The following BFSP2 variants were observed in gnomAD, a reference collection of about 807,000 sequenced individuals.
BFSP2 encodes phakinin.
Under a neutral mutation model 44.9 loss-of-function variants are expected in BFSP2, and 38 were observed. That is an observed-to-expected ratio of 0.85 (90% CI 0.65 to 1.11). The LOEUF is 1.11. BFSP2 is among the 50% of genes least tolerant of loss of function. The pLI is 0.00. For synonymous variants in BFSP2, 197 were observed against 209.9 expected (o/e 0.94, Z 0.53); for missense variants, 525 against 533.0 (o/e 0.99, Z 0.15).
chr3:133,420,678 C>T (rs913695545), intron 1 of BFSP2, among the ~76,000 whole-genome samples: 7 of 152,210 alleles, frequency 4.6e-5, no homozygotes, highest in African/African-American at 1.7e-4. Flanking sequence ...GGGAGGACCA[C>T]GGAGTCAGAA....
chr3:133,416,274 C>A (rs1168259358), intron 1 of BFSP2, among the ~76,000 whole-genome samples: 1 of 144,576 alleles, frequency 6.9e-6, no homozygotes, highest in African/African-American at 2.7e-5. Context: ...CCTCTACTCA[C>A]CCCTGTCCTC....
chr3:133,423,922 G>A (rs969734693), intron 1 of BFSP2, among the ~76,000 whole-genome samples: 2 of 152,230 alleles, frequency 1.3e-5, no homozygotes, highest in Admixed American at 1.3e-4. Flanking sequence ...TCCGCTTCAC[G>A]TCAGAATTTC....
Position 133,400,443 on chromosome 3 carries a change from C to T in BFSP2, c.360C>T (p.Ala120=). ...DLGGCLVEYM[A]KVHALEQVSQ... ...GGGGCTGCCTGGTGGAATATATGGC[C>T]AAAGTGCACGCCCTTGAGCAAGTCA... The change falls in exon 1 of 7, where the codon GCC becomes GCT. Residue 120 remains alanine (A), a synonymous_variant. Coordinates refer to ENST00000302334, the MANE Select transcript of BFSP2 (RefSeq NM_003571.4). The surrounding 1 kb of genome is among the most constrained non-coding windows in gnomAD (Gnocchi z 4.0). 6.2e-7 allele frequency: 1 copy of T among 1,614,040 alleles called. No individual in the cohort carries two copies. Among genetic ancestry groups the T allele is most frequent in the East Asian group, 2.2e-5 (1 of 44,884 alleles).
At chr3:133,430,105 A>T (rs1027656413) in intron 1 of BFSP2, among the ~76,000 whole-genome samples, 4 of 151,868 alleles carry the variant, frequency 2.6e-5, no homozygotes, top group Non-Finnish European at 4.4e-5. Context: ...TTATGGCTGC[A>T]TAGTATTCCA....
chr3:133,424,180 G>A (rs2107896676), intron 1 of BFSP2, among the ~76,000 whole-genome samples: 1 of 140,442 alleles, frequency 7.1e-6, no homozygotes, highest in African/African-American at 2.6e-5. Flanking sequence ...GAAGTAGCTG[G>A]GATTACAGGC....
At chr3:133,425,785 G>GAAGGGAAGGGA (rs2073640235) in intron 1 of BFSP2, among the ~76,000 whole-genome samples, 1 of 25,576 alleles carries the variant, frequency 3.9e-5, no homozygotes, top group Non-Finnish European at 1.9e-4. Flanking sequence ...AAGGGAAAGG[G>GAAGGGAAGGGA]AAGGGAAGGG....
chr3:133,418,376 G>A (rs1160445922), intron 1 of BFSP2, among the ~76,000 whole-genome samples: 1 of 152,140 alleles, frequency 6.6e-6, no homozygotes, highest in African/African-American at 2.4e-5. Flanking sequence ...TTGTTCATCT[G>A]CGCAATGAAG....
At chr3:133,413,454 CA>C (rs1324972879) in intron 1 of BFSP2, among the ~76,000 whole-genome samples, 2 of 152,138 alleles carry the variant, frequency 1.3e-5, no homozygotes, top group African/African-American at 4.8e-5. Context: ...GCAGCTGGCA[CA>C]AGTGCTGAGG....
chr3:133,425,805 AGG>A (rs1371092286), intron 1 of BFSP2, among the ~76,000 whole-genome samples: 20 of 133,904 alleles, frequency 1.5e-4, no homozygotes, highest in African/African-American at 3.3e-4. Context: ...GAAGGGAAGA[AGG>A]GAAGGGAAGG....
chr3:133,404,347 C>A (rs754037867), intron 1 of BFSP2, among the ~76,000 whole-genome samples: 18 of 152,308 alleles, frequency 1.2e-4, no homozygotes, highest in Non-Finnish European at 2.1e-4. Context: ...CCCCTGGGAG[C>A]CCCTTCTGAC....
At chr3:133,446,131 A>G (rs568009568) in intron 1 of BFSP2, among the ~76,000 whole-genome samples, 15 of 152,184 alleles carry the variant, frequency 9.9e-5, no homozygotes, top group South Asian at 2.1e-4. Flanking sequence ...GGGGAATTCA[A>G]TGAAAATGGC....
intron 3 of BFSP2, 150 bp downstream of exon 3, chr3:133,448,795 C>A: frequency 9.4e-7 from 1 of 1,062,476 alleles, no homozygotes; most frequent in Non-Finnish European, 1.4e-6. Flanking sequence ...AAAATACTTT[C>A]AGATCCTTGA....
At chr3:133,457,423 AAAG>A (rs1260156055) in intron 4 of BFSP2, among the ~76,000 whole-genome samples, 14 of 152,250 alleles carry the variant, frequency 9.2e-5, no homozygotes, top group Admixed American at 2.0e-4. Context: ...AAAACATACA[AAAG>A]ATATAAAGTG....
chr3:133,424,545 C>T (rs763775929), intron 1 of BFSP2, among the ~76,000 whole-genome samples: 11 of 152,140 alleles, frequency 7.2e-5, no homozygotes, highest in Non-Finnish European at 1.3e-4. Flanking sequence ...CCTCCAGCTG[C>T]TTTATCTGGA....
intron 2 of BFSP2, among the ~76,000 whole-genome samples, chr3:133,447,893 T>C (rs558189841): frequency 6.6e-6 from 1 of 152,310 alleles, no homozygotes; most frequent in African/African-American, 2.4e-5. Flanking sequence ...CATAGACTAA[T>C]TAAATCAGAG....
intron 1 of BFSP2, among the ~76,000 whole-genome samples, chr3:133,415,373 C>T (rs1349494008): frequency 1.6e-5 from 2 of 123,948 alleles, no homozygotes; most frequent in Non-Finnish European, 3.3e-5. Context: ...TCTACTCAAC[C>T]CTGCCCTCTC....
chr3:133,422,727 T>C (rs2073604052), intron 1 of BFSP2, among the ~76,000 whole-genome samples: 1 of 129,968 alleles, frequency 7.7e-6, no homozygotes, highest in African/African-American at 2.8e-5. Context: ...TGCCCCAACA[T>C]TAATGAAGCA....
chr3:133,410,322 C>T (rs777366535), intron 1 of BFSP2: 1 of 367,414 alleles, frequency 2.7e-6, no homozygotes. Flanking sequence ...CAGGTGGCAG[C>T]AGTGGCACTA....
intron 5 of BFSP2, among the ~76,000 whole-genome samples, chr3:133,470,810 A>G (rs998339649): frequency 4.6e-5 from 7 of 152,194 alleles, no homozygotes; most frequent in African/African-American, 1.7e-4. Context: ...GCCCACTGTG[A>G]TAAGTTCAAG....
Sources: gnomAD v4.1 joint callset for allele counts (sites outside exome capture counted in the v4.1 genomes callset) on GRCh38, gnomAD v4.1.1 for gene constraint, Gnocchi (gnomAD v3.1) non-coding constraint, MANE v1.5 for transcripts, NCBI Gene and HGNC (gene_info 2026-07-23, HGNC 2026-07-21) for gene names.